Variants in TBC1D5 observed in about 807,000 individuals in gnomAD.
The protein encoded by TBC1D5 is TBC1 domain family member 5.
A neutral mutation model predicts 100.3 loss-of-function variants in TBC1D5; 75 were observed. That is an observed-to-expected ratio of 0.75 (90% CI 0.62 to 0.91). The LOEUF (loss-of-function observed/expected upper bound fraction) is 0.91, where lower values mean the gene tolerates loss of function less well. Among genes scored for constraint, TBC1D5 ranks in the 40% least tolerant of loss-of-function variants. The pLI is 0.00. For synonymous variants in TBC1D5, 323 were observed against 325.6 expected, an observed-to-expected ratio of 0.99 and a Z score of 0.09; for missense variants, 910 against 942.4, an observed-to-expected ratio of 0.97 and a Z score of 0.45.
chr3:17,576,828 G>C (rs915223197), intron 2 of TBC1D5, among the ~76,000 whole-genome samples: 8 of 151,866 alleles, frequency 5.3e-5, no homozygotes, highest in African/African-American at 1.9e-4. Flanking sequence ...TTGATTGATG[G>C]AATATGTGTA....
intron 2 of TBC1D5, among the ~76,000 whole-genome samples, chr3:17,556,031 T>G (rs538165014): frequency 2.7e-5 from 4 of 148,886 alleles, no homozygotes; most frequent in South Asian, 4.3e-4. Flanking sequence ...AATAGTTTGG[T>G]TTTTTTTTTG....
intron 2 of TBC1D5, among the ~76,000 whole-genome samples, chr3:17,592,033 G>T (rs2060262609): frequency 6.6e-6 from 1 of 152,210 alleles, no homozygotes; most frequent in South Asian, 2.1e-4. Context: ...TGGTTTCATT[G>T]CTTGAGCAAA....
chr3:17,431,125 A>C (rs2094440568), intron 3 of TBC1D5, among the ~76,000 whole-genome samples: 1 of 151,940 alleles, frequency 6.6e-6, no homozygotes, highest in African/African-American at 2.4e-5. Flanking sequence ...AATCATGGGA[A>C]CGTATATGTA....
intron 18 of TBC1D5, among the ~76,000 whole-genome samples, chr3:17,195,754 CT>C (rs35636355): frequency 0.67 from 96,183 of 144,516 alleles, 31,701 homozygotes; most frequent in South Asian, 0.78. Flanking sequence ...ATATTTCTTT[CT>C]TTTTTTTTTT....
rs191776672 is a variant in TBC1D5, at chr3:17,578,623, T to C, written c.-36+45226A>G. 1.0e-3 allele frequency among the ~76,000 whole-genome samples: 154 copies of C among 152,160 alleles called. 2 individuals carry two copies. The South Asian group carries it at 0.018, about 18-fold the overall frequency. On this transcript the variant is annotated intron_variant, in intron 2 of 21. Coordinates refer to ENST00000253692, the Ensembl canonical transcript of TBC1D5. Reference sequence around the variant, plus strand: ...ATCCTTGGCCTAATGTCAAACATCATACTCTTGAACTTGAGCTGACAATCT... The same window carrying C: ...ATCCTTGGCCTAATGTCAAACATCACACTCTTGAACTTGAGCTGACAATCT...
intron 4 of TBC1D5, among the ~76,000 whole-genome samples, chr3:17,425,967 T>C (rs1559860137): frequency 6.6e-6 from 1 of 152,166 alleles, no homozygotes; most frequent in Admixed American, 6.5e-5. Context: ...GCCCATTTGA[T>C]AGATAAGAAA....
rs532523463 is a variant in TBC1D5, at chr3:17,404,748, C to A, written c.387G>T (p.Lys129Asn). Residue 129 changes from lysine (K) to asparagine (N), a missense_variant, in exon 7 of 22, where the codon AAG becomes AAT. Transcript: ENST00000253692. ...TCATCAAATCTTGTTGGCCAACAACCTTCCTCGGGTTGGTAATATGCTAGT... is the reference window on the plus strand; with the variant it reads ...TCATCAAATCTTGTTGGCCAACAACATTCCTCGGGTTGGTAATATGCTAGT... 2.5e-6 allele frequency: 4 copies of A among 1,608,222 alleles called. No homozygotes were observed. The South Asian group carries it at 4.4e-5, about 18-fold the overall frequency.
intron 3 of TBC1D5, among the ~76,000 whole-genome samples, chr3:17,466,079 G>A (rs1022684219): frequency 6.6e-6 from 1 of 152,204 alleles, no homozygotes; most frequent in Non-Finnish European, 1.5e-5. Flanking sequence ...TGCGTGGCAT[G>A]AAATTCTAGG....
At chr3:17,375,310 T>C (rs1218836665) in intron 10 of TBC1D5, among the ~76,000 whole-genome samples, 1 of 151,958 alleles carries the variant, frequency 6.6e-6, no homozygotes, top group Non-Finnish European at 1.5e-5. Context: ...GGCTCACACC[T>C]GTAATCCCAA....
chr3:17,495,860 T>C (rs1325436149), intron 3 of TBC1D5, among the ~76,000 whole-genome samples: 1 of 152,238 alleles, frequency 6.6e-6, no homozygotes, highest in Non-Finnish European at 1.5e-5. Flanking sequence ...TTTATGATGT[T>C]CAGAAATTGA....
chr3:17,287,090 T>C (rs1246275718), intron 15 of TBC1D5, among the ~76,000 whole-genome samples: 1 of 152,220 alleles, frequency 6.6e-6, no homozygotes, highest in East Asian at 1.9e-4. Flanking sequence ...GTTCAAGTTG[T>C]ATAATTAATT....
At chr3:17,379,920 T>C (rs961811038) in intron 9 of TBC1D5, among the ~76,000 whole-genome samples, 28 of 152,052 alleles carry the variant, frequency 1.8e-4, no homozygotes, top group Admixed American at 2.6e-4. Context: ...CATACTCAAC[T>C]GTTTTTGAAT....
At chr3:17,684,868 C>T (rs1340557989) in intron 1 of TBC1D5, among the ~76,000 whole-genome samples, 3 of 151,928 alleles carry the variant, frequency 2.0e-5, no homozygotes, top group Non-Finnish European at 4.4e-5. Flanking sequence ...CAAATTTATT[C>T]GTCAAGAATC....
intron 2 of TBC1D5, among the ~76,000 whole-genome samples, chr3:17,549,456 G>A (rs186973615): frequency 5.3e-5 from 8 of 152,160 alleles, no homozygotes; most frequent in Admixed American, 1.3e-4. Context: ...CTAAAAACGA[G>A]TCCTTGTTCA....
intron 2 of TBC1D5, among the ~76,000 whole-genome samples, chr3:17,531,894 C>A (rs1419725806): frequency 6.6e-6 from 1 of 152,056 alleles, no homozygotes; most frequent in African/African-American, 2.4e-5. Flanking sequence ...AGAAGAAAAC[C>A]TAGGCATTAC....
exon 22 of TBC1D5, chr3:17,159,105 C>G (rs2065825028): frequency 6.6e-6 from 1 of 152,198 alleles, no homozygotes; most frequent in Admixed American, 6.5e-5. Flanking sequence ...GAGCCAGAAG[C>G]CAGGGAGCTA....
At chr3:17,162,184 T>C (rs2066127691) in intron 21 of TBC1D5, among the ~76,000 whole-genome samples, 1 of 152,194 alleles carries the variant, frequency 6.6e-6, no homozygotes, top group South Asian at 2.1e-4. Context: ...TCCCTCACCC[T>C]GTCTGCCTAC....
intron 3 of TBC1D5, among the ~76,000 whole-genome samples, chr3:17,484,455 GGTGTGTGTGTGTGTGTGT>G (rs34847216): frequency 8.1e-5 from 9 of 111,544 alleles, no homozygotes; most frequent in Non-Finnish European, 1.1e-4. Flanking sequence ...GTAACACCAG[GGTGTGTGTGTGTGTGTGT>G]GTGTGTGTGT....
At chr3:17,402,368 A>AT (rs2093670149) in intron 8 of TBC1D5, among the ~76,000 whole-genome samples, 1 of 152,156 alleles carries the variant, frequency 6.6e-6, no homozygotes. Context: ...GATTCTGCAC[A>AT]TACCTGGCTA....
Sources: gnomAD v4.1 joint callset for allele counts (sites outside exome capture counted in the v4.1 genomes callset) on GRCh38, gnomAD v4.1.1 for gene constraint, MANE v1.5 for transcripts, NCBI Gene and HGNC (gene_info 2026-07-23, HGNC 2026-07-21) for gene names.